Variants in CMIP observed in about 807,000 individuals in gnomAD.
CMIP encodes the protein c-Maf inducing protein.
In CMIP, 13 loss-of-function variants were observed where a neutral mutation model predicts 97.3. The ratio of observed to expected loss-of-function variants is 0.13; its 90% CI spans 0.09 to 0.21. The LOEUF is 0.21. Ranked by LOEUF, CMIP falls within the 10% of genes least tolerant of loss-of-function variation. CMIP has a pLI of 1.00. For missense variants in CMIP, 847 were observed against 1,024.9 expected, an observed-to-expected ratio of 0.83 and a Z score of 2.37; for synonymous variants, 538 against 436.3, an observed-to-expected ratio of 1.23 and a Z score of -2.91.
intron 20 of CMIP, among the ~76,000 whole-genome samples, chr16:81,709,479 C>G (rs1441741416): frequency 1.3e-5 from 2 of 152,200 alleles, no homozygotes; most frequent in Non-Finnish European, 2.9e-5. Context: ...CCCAGTGCTT[C>G]CACCTGCGAA....
At chr16:81,692,858 C>A (rs1906256374) in intron 11 of CMIP, among the ~76,000 whole-genome samples, 1 of 152,230 alleles carries the variant, frequency 6.6e-6, no homozygotes, top group African/African-American at 2.4e-5. Flanking sequence ...CCGGAGCCCA[C>A]ATGCACCCAC....
Position 81,520,806 on chromosome 16 carries a change from G to A in CMIP, c.300+75265G>A, listed in dbSNP as rs140438677. On this transcript the variant is annotated intron_variant, in intron 1 of 20. Transcript: ENST00000537098. ...AGCCTCATTCCTGTGTAAAATGGGT[G>A]TAGGAAGTGAGGAATTAGGTTTATA... 6.7e-3 allele frequency among the ~76,000 whole-genome samples: 1,027 copies of A among 152,276 alleles called. 14 individuals carry two copies. Among genetic ancestry groups the A allele is most frequent in the Admixed American group, 0.032 (486 of 15,294 alleles).
At chr16:81,670,978 G>T (rs1489208012) in intron 8 of CMIP, among the ~76,000 whole-genome samples, 5 of 152,008 alleles carry the variant, frequency 3.3e-5, no homozygotes, top group Non-Finnish European at 7.4e-5. Flanking sequence ...ACAGGCACAC[G>T]TTACGACTCC....
At chr16:81,552,670 A>G (rs2090682206) in intron 1 of CMIP, among the ~76,000 whole-genome samples, 1 of 152,168 alleles carries the variant, frequency 6.6e-6, no homozygotes, top group Admixed American at 6.5e-5. Flanking sequence ...ATGGAACCAC[A>G]TCTGCAACGT....
chr16:81,608,362 C>T (rs906809127), intron 2 of CMIP, among the ~76,000 whole-genome samples: 3 of 152,156 alleles, frequency 2.0e-5, no homozygotes, highest in African/African-American at 4.8e-5. Context: ...ATCTCTCTCT[C>T]CATCTCCTGG....
chr16:81,694,672 G>T lies in CMIP; in HGVS notation c.1530+1185G>T, dbSNP rs567096993. Among the ~76,000 whole-genome samples, 264 of 152,264 alleles carry T rather than the reference G, an allele frequency of 1.7e-3. 3 individuals are homozygous for T. The highest frequency in any genetic ancestry group is 2.9e-3 in the Non-Finnish European group (197 of 68,018). ...CCCCCCTGCCGCCGCATCCCTTCCC[G>T]GTTCCAGCTCACGGGGCCTGGGTGG... is the stretch of plus-strand genomic sequence containing the variant. On this transcript the variant is annotated intron_variant, in intron 13 of 20. Coordinates refer to ENST00000537098, the MANE Select transcript of CMIP (RefSeq NM_198390.3).
chr16:81,541,085 A>G (rs917149385), intron 1 of CMIP, among the ~76,000 whole-genome samples: 1 of 151,672 alleles, frequency 6.6e-6, no homozygotes, highest in African/African-American at 2.4e-5. Context: ...CAATTCAATT[A>G]TGTACTATAT....
intron 1 of CMIP, among the ~76,000 whole-genome samples, chr16:81,512,247 G>A (rs1309442486): frequency 6.6e-6 from 1 of 152,176 alleles, no homozygotes; most frequent in Admixed American, 6.5e-5. Context: ...CTCTAGGTAG[G>A]TGTTTCTGTG....
chr16:81,706,468 G>T (rs1908152154), intron 19 of CMIP, among the ~76,000 whole-genome samples: 1 of 152,246 alleles, frequency 6.6e-6, no homozygotes. Context: ...AAATGCAGAT[G>T]CGCTGCTTCC....
intron 1 of CMIP, among the ~76,000 whole-genome samples, chr16:81,586,370 A>G (rs991080948): frequency 6.6e-6 from 1 of 152,112 alleles, no homozygotes; most frequent in Non-Finnish European, 1.5e-5. Flanking sequence ...CGAAACAGCG[A>G]TAGTAGAAAG....
At chr16:81,597,736 C>A (rs2091585208) in intron 1 of CMIP, among the ~76,000 whole-genome samples, 1 of 152,174 alleles carries the variant, frequency 6.6e-6, no homozygotes, top group Non-Finnish European at 1.5e-5. Flanking sequence ...TTTGGGGTTC[C>A]TCTGAGTCTT....
At chr16:81,671,908 C>G in intron 8 of CMIP, 58 bp from the exon 9 acceptor site, 1 of 899,196 alleles carries the variant, frequency 1.1e-6, no homozygotes. Context: ...CCCCCCTTAC[C>G]CTGTCCATGG....
At chr16:81,564,509 G>C (rs575528237) in intron 1 of CMIP, among the ~76,000 whole-genome samples, 8 of 152,222 alleles carry the variant, frequency 5.3e-5, no homozygotes, top group Admixed American at 1.3e-4. Context: ...GAGTTGATGT[G>C]GGGGGAAGAA....
chr16:81,666,229 G>A (rs1210950020), intron 7 of CMIP: 1 of 152,190 alleles, frequency 6.6e-6, no homozygotes, highest in East Asian at 1.9e-4. Context: ...GCTGTGCCAT[G>A]CTGGAGTTCA....
At chr16:81,625,465 G>A (rs1474696549) in intron 3 of CMIP, among the ~76,000 whole-genome samples, 1 of 152,114 alleles carries the variant, frequency 6.6e-6, no homozygotes, top group East Asian at 1.9e-4. Flanking sequence ...GTGGTGACAG[G>A]CCTGTCTGCA....
rs566269574 is a variant in CMIP at position 81,602,482 on chromosome 16, G to A, written c.301-5085G>A. 5.9e-5 allele frequency among the ~76,000 whole-genome samples: 9 copies of A among 152,290 alleles called. No homozygotes were observed. The South Asian group carries it at 6.2e-4, about 11-fold the overall frequency. On this transcript the variant is annotated intron_variant, in intron 1 of 20. Transcript: ENST00000537098. ...ATACAGTAAGAGTCACGCTTTTAGC[G>A]TGCAGATCTGTGAGTTCTGACAAAT...
At chr16:81,503,544 A>C (rs1301780937) in intron 1 of CMIP, among the ~76,000 whole-genome samples, 1 of 152,054 alleles carries the variant, frequency 6.6e-6, no homozygotes, top group Non-Finnish European at 1.5e-5. Flanking sequence ...CCATAGATAC[A>C]TGCCACTGCA....
At chr16:81,606,148 G>A (rs1036860266) in intron 1 of CMIP, among the ~76,000 whole-genome samples, 4 of 152,226 alleles carry the variant, frequency 2.6e-5, no homozygotes, top group Non-Finnish European at 2.9e-5. Context: ...TTGGAACACA[G>A]GATAGAGGTC....
rs372299805 is a variant in CMIP at position 81,685,382 on chromosome 16, G to A, written c.1389-6393G>A. 2.0e-5 allele frequency among the ~76,000 whole-genome samples: 3 copies of A among 152,188 alleles called. No individual in the cohort carries two copies. The East Asian group carries it at 5.8e-4, about 29-fold the overall frequency. On this transcript the variant is annotated intron_variant, in intron 10 of 20. Transcript: ENST00000537098. Reference sequence around the variant, plus strand: ...GCCACGCTCACGGTTCACAGAACAGGCTCAGGAGTAACAAGTGACCATGGG... The same window carrying A: ...GCCACGCTCACGGTTCACAGAACAGACTCAGGAGTAACAAGTGACCATGGG...
Sources: gnomAD v4.1 joint callset for allele counts (sites outside exome capture counted in the v4.1 genomes callset) on GRCh38, gnomAD v4.1.1 for gene constraint, MANE v1.5 for transcripts, NCBI Gene and HGNC (gene_info 2026-07-23, HGNC 2026-07-21) for gene names.